Variants in CACNB4 observed in about 807,000 individuals in gnomAD.
The protein encoded by CACNB4 is voltage-dependent L-type calcium channel subunit beta-4.
Under a neutral mutation model 71.2 loss-of-function variants are expected in CACNB4, and 32 were observed. That is an observed-to-expected ratio of 0.45 (90% confidence interval 0.34 to 0.60). CACNB4 has a LOEUF of 0.60. Ranked by LOEUF, CACNB4 falls within the 20% of genes least tolerant of loss-of-function variation. CACNB4 has a pLI of 0.01. For synonymous variants in CACNB4, 231 were observed against 236.9 expected (o/e 0.97, Z 0.23); for missense variants, 464 against 647.9 (o/e 0.72, Z 3.08).
intron 2 of CACNB4, chr2:151,971,372 G>T: frequency 1.6e-6 from 1 of 625,856 alleles, no homozygotes; most frequent in South Asian, 1.9e-5. Context: ...AGAACGGTAG[G>T]ACATATGCGG....
chr2:151,883,668 A>G, intron 2 of CACNB4: 1 of 386,878 alleles, frequency 2.6e-6, no homozygotes, highest in Admixed American at 4.0e-5. Flanking sequence ...TATTAAGCCC[A>G]TATCACTTGT....
At chr2:151,977,640 T>A (rs903044731) in intron 2 of CACNB4, among the ~76,000 whole-genome samples, 8 of 152,196 alleles carry the variant, frequency 5.3e-5, no homozygotes, top group Admixed American at 1.3e-4. Flanking sequence ...CTATTAGCTA[T>A]GAGATTTAAA....
intron 2 of CACNB4, among the ~76,000 whole-genome samples, chr2:152,049,669 C>A (rs2105285096): frequency 6.6e-6 from 1 of 152,274 alleles, no homozygotes; most frequent in Admixed American, 6.5e-5. Context: ...CCAGCCACAG[C>A]CCTAGATTCT....
chr2:151,857,002 T>C (rs2151365032), intron 10 of CACNB4: 1 of 152,302 alleles, frequency 6.6e-6, no homozygotes, highest in Admixed American at 6.5e-5. Flanking sequence ...TGTGAGCCAT[T>C]GTACCCGGCC....
intron 2 of CACNB4, among the ~76,000 whole-genome samples, chr2:151,957,966 G>A (rs915581805): frequency 1.3e-5 from 2 of 152,132 alleles, no homozygotes; most frequent in Non-Finnish European, 2.9e-5. Context: ...GAATATCTTG[G>A]GGTTAAATAA....
At chr2:151,930,321 A>T (rs1443141634) in intron 2 of CACNB4, among the ~76,000 whole-genome samples, 5 of 152,162 alleles carry the variant, frequency 3.3e-5, no homozygotes, top group African/African-American at 4.8e-5. Flanking sequence ...GTTAGGGTGG[A>T]TTCCTACTTT....
intron 2 of CACNB4, among the ~76,000 whole-genome samples, chr2:151,944,210 T>A (rs2151640768): frequency 6.6e-6 from 1 of 152,146 alleles, no homozygotes; most frequent in Middle Eastern, 3.4e-3. Flanking sequence ...ATTTTGTTTT[T>A]AACTTTTTTT....
intron 2 of CACNB4, among the ~76,000 whole-genome samples, chr2:151,892,004 C>T (rs2099850829): frequency 1.3e-5 from 2 of 152,162 alleles, no homozygotes; most frequent in Non-Finnish European, 2.9e-5. Flanking sequence ...AGACCCGGCA[C>T]AAGGTCTTCA....
chr2:151,902,032 CTTTTTTTTT>C (rs70974804), intron 2 of CACNB4, among the ~76,000 whole-genome samples: 68,896 of 130,452 alleles, frequency 0.53, 19,796 homozygotes, highest in Non-Finnish European at 0.67. Flanking sequence ...ACAACATCAC[CTTTTTTTTT>C]TTTTTTTTTT....
intron 2 of CACNB4, among the ~76,000 whole-genome samples, chr2:151,978,888 G>C (rs890550433): frequency 1.3e-5 from 2 of 151,998 alleles, no homozygotes; most frequent in Admixed American, 6.5e-5. Context: ...TGCTCTATCT[G>C]GCCAGGCTGA....
chr2:151,893,042 A>G (rs1325135793), intron 2 of CACNB4, among the ~76,000 whole-genome samples: 3 of 152,232 alleles, frequency 2.0e-5, no homozygotes, highest in Non-Finnish European at 4.4e-5. Context: ...TAGATATGAA[A>G]ATATATAAAA....
chr2:152,056,619 T>C (rs1685744484), intron 2 of CACNB4, among the ~76,000 whole-genome samples: 1 of 152,198 alleles, frequency 6.6e-6, no homozygotes, highest in African/African-American at 2.4e-5. Context: ...TAATAGACTC[T>C]ACCTGTGTGT....
chr2:152,054,365 CAAAAAAAAAA>C (rs34291036), intron 2 of CACNB4, among the ~76,000 whole-genome samples: 2 of 85,182 alleles, frequency 2.3e-5, no homozygotes, highest in Non-Finnish European at 4.5e-5. Flanking sequence ...AACTCCGTCT[CAAAAAAAAAA>C]AAAAAAAAAA....
rs2151401154 is a variant in CACNB4 at position 151,869,132 on chromosome 2, T to G, written c.758+45A>C. On this transcript the variant is annotated intron_variant, in intron 9 of 13. Transcript: ENST00000539935. ...CTACAATTCAATTTATCACACAAGT[T>G]TGGTTAAAGGAAAATAAAAATACAA... The G allele has an allele frequency of 3.7e-6, 4 of 1,088,916 alleles. No homozygotes were observed. In the East Asian group the frequency reaches 1.0e-4, roughly 28 times the overall value. The allele number at this position is 1,088,916 out of a possible 1,614,324, so 67.5% of individuals were successfully genotyped here.
chr2:152,085,568 C>A (rs1310913070), intron 2 of CACNB4, among the ~76,000 whole-genome samples: 1 of 152,042 alleles, frequency 6.6e-6, no homozygotes, highest in Non-Finnish European at 1.5e-5. Context: ...CCATACCCAC[C>A]ATGAGGGTCC....
At chr2:151,921,261 T>C (rs1325177937) in intron 2 of CACNB4, among the ~76,000 whole-genome samples, 1 of 151,734 alleles carries the variant, frequency 6.6e-6, no homozygotes, top group Non-Finnish European at 1.5e-5. Context: ...AAACAAGGCA[T>C]AGTTTCATCA....
At chr2:151,859,668 G>A (rs141701348) in intron 10 of CACNB4, 4 of 152,242 alleles carry the variant, frequency 2.6e-5, no homozygotes, top group African/African-American at 9.6e-5. Context: ...CTAATCGCTG[G>A]GATCTTCCCC....
intron 2 of CACNB4, among the ~76,000 whole-genome samples, chr2:152,040,097 A>T (rs965658982): frequency 6.6e-6 from 1 of 152,216 alleles, no homozygotes; most frequent in African/African-American, 2.4e-5. Context: ...CTAAATGGGA[A>T]TGTCTCATTT....
intron 2 of CACNB4, among the ~76,000 whole-genome samples, chr2:152,077,309 C>T (rs1420755801): frequency 6.6e-6 from 1 of 152,200 alleles, no homozygotes; most frequent in Non-Finnish European, 1.5e-5. Context: ...AATCACAACA[C>T]TTTGGGAGGC....
Sources: gnomAD v4.1 joint callset for allele counts (sites outside exome capture counted in the v4.1 genomes callset) on GRCh38, gnomAD v4.1.1 for gene constraint, MANE v1.5 for transcripts, NCBI Gene and HGNC (gene_info 2026-07-23, HGNC 2026-07-21) for gene names.